The following NTMT2 variants were observed in gnomAD, a reference collection of about 807,000 sequenced individuals.
NTMT2 encodes N-terminal Xaa-Pro-Lys N-methyltransferase 2.
A neutral mutation model predicts 23.4 loss-of-function variants in NTMT2; 21 were observed. The observed-to-expected ratio is 0.90, with a 90% confidence interval of 0.64 to 1.29. NTMT2 has a LOEUF of 1.29. Ranked by LOEUF, NTMT2 falls within the 50% of genes most tolerant of loss-of-function variation. The pLI is 0.00. For synonymous variants in NTMT2, 131 were observed against 127.7 expected (o/e 1.03, Z -0.17); for missense variants, 336 against 352.0 (o/e 0.95, Z 0.36).
At chr1:170,150,818 A>G (rs997493414) in intron 1 of NTMT2, among the ~76,000 whole-genome samples, 14 of 152,138 alleles carry the variant, frequency 9.2e-5, no homozygotes, top group Non-Finnish European at 2.1e-4. Context: ...TTCATGAACA[A>G]ATAGGAAATA....
At position 170,166,488 on chromosome 1, in the gene NTMT2, G is replaced by C. The variant is rs776334187; in HGVS notation, c.331-14G>C. ...GGGTCTCTGTACTTGAAATATCAAGGTGCCTTTCTGCAGGGGCCTGGGAGA... is the reference window on the plus strand; with the variant it reads ...GGGTCTCTGTACTTGAAATATCAAGCTGCCTTTCTGCAGGGGCCTGGGAGA... On this transcript the variant is annotated splice_polypyrimidine_tract_variant and intron_variant, in intron 2 of 3. Transcript: ENST00000439373. 6.4e-7 allele frequency: 1 copy of C among 1,552,110 alleles called. No homozygotes were observed. Among genetic ancestry groups the C allele is most frequent in the South Asian group, 1.2e-5 (1 of 84,038 alleles).
At chr1:170,150,610 T>A (rs567335085) in intron 1 of NTMT2, among the ~76,000 whole-genome samples, 42 of 152,306 alleles carry the variant, frequency 2.8e-4, no homozygotes, top group African/African-American at 7.9e-4. Flanking sequence ...AAAACTTAAC[T>A]AATGTGGGCA....
chr1:170,163,655 T>A (rs1673317125), intron 2 of NTMT2, among the ~76,000 whole-genome samples: 1 of 152,240 alleles, frequency 6.6e-6, no homozygotes, highest in Admixed American at 6.5e-5. Flanking sequence ...TTATATTTTA[T>A]AGTTTTTACA....
At chr1:170,160,379 C>T (rs1319373176) in intron 1 of NTMT2, 139 bp from the exon 2 acceptor site, 2 of 740,114 alleles carry the variant, frequency 2.7e-6, no homozygotes, top group Non-Finnish European at 4.1e-6. Flanking sequence ...AAACTCAAAC[C>T]CAAATCTTTT....
At chr1:170,154,700 C>T (rs760384620) in intron 1 of NTMT2, among the ~76,000 whole-genome samples, 41 of 151,288 alleles carry the variant, frequency 2.7e-4, no homozygotes, top group South Asian at 1.0e-3. Flanking sequence ...AACTCATCTC[C>T]AGATGAGACT....
chr1:170,151,686 C>G (rs1426015955), intron 1 of NTMT2, among the ~76,000 whole-genome samples: 1 of 151,852 alleles, frequency 6.6e-6, no homozygotes, highest in Non-Finnish European at 1.5e-5. Context: ...TTTTATTTAG[C>G]AGACATATTT....
intron 1 of NTMT2, among the ~76,000 whole-genome samples, chr1:170,154,145 G>T (rs1673120258): frequency 6.6e-6 from 1 of 152,142 alleles, no homozygotes; most frequent in Non-Finnish European, 1.5e-5. Context: ...ATGGTGTTAA[G>T]CCTGTGGGTT....
chr1:170,167,816 T>G lies in NTMT2; in HGVS notation c.*59T>G. 2.0e-6 allele frequency: 3 copies of G among 1,485,974 alleles called. No individual in the cohort carries two copies. The allele number at this position is 1,485,974 out of a possible 1,614,324, so 92.0% of individuals were successfully genotyped here. A position where few individuals can be genotyped will look rare whatever the true frequency, so the allele number is the denominator to read the frequency against. ...GTGGTGCTTTGGGATGGGGTTGCTA[T>G]CCTTCCAGGTGCCCCTTGTAATGCA... On this transcript the variant is annotated 3_prime_UTR_variant, in exon 4 of 4. Coordinates refer to ENST00000439373, the MANE Select transcript of NTMT2 (RefSeq NM_001136107.2).
chr1:170,161,630 C>T (rs915214551), intron 2 of NTMT2: 5 of 152,174 alleles, frequency 3.3e-5, no homozygotes, highest in African/African-American at 1.2e-4. Context: ...AGCTACTTCA[C>T]AGGATAATGT....
chr1:170,150,802 T>C (rs1673053284), intron 1 of NTMT2, among the ~76,000 whole-genome samples: 1 of 152,084 alleles, frequency 6.6e-6, no homozygotes, highest in Admixed American at 6.5e-5. Context: ...TTTCAAAAAA[T>C]GGCTATTCAT....
rs747859632 is a variant in NTMT2 at position 170,167,742 on chromosome 1, C to G, written c.837C>G (p.Ser279Arg). Residue 279 changes from serine (S) to arginine (R), a missense_variant, in exon 4 of 4, where the codon AGC becomes AGG. Ser to Arg is a moderately radical substitution (Grantham distance 110). Transcript: ENST00000439373. Reference protein sequence around the residue: ...CIPVWMFALHSDRHS With the variant: ...CIPVWMFALHRDRHS ...CCGTGTGGATGTTCGCACTGCACAGCGACAGACACTCCTGAAAAAGCAGTG... is the reference window on the plus strand; with the variant it reads ...CCGTGTGGATGTTCGCACTGCACAGGGACAGACACTCCTGAAAAAGCAGTG... 5.2e-6 allele frequency: 8 copies of G among 1,549,538 alleles called. No homozygotes were observed. Among genetic ancestry groups the G allele is most frequent in the Non-Finnish European group, 7.0e-6 (8 of 1,145,754 alleles).
intron 2 of NTMT2, among the ~76,000 whole-genome samples, chr1:170,161,139 A>C (rs1388548950): frequency 6.6e-6 from 1 of 152,070 alleles, no homozygotes; most frequent in African/African-American, 2.4e-5. Flanking sequence ...CTCTACTAAA[A>C]ATACAAAAAA....
chr1:170,160,662 C>A lies in NTMT2; in HGVS notation c.299C>A (p.Ala100Asp), dbSNP rs1673258529. 4.6e-6 allele frequency: 7 copies of A among 1,530,866 alleles called. No homozygotes were observed. Among genetic ancestry groups the A allele is most frequent in the Non-Finnish European group, 5.3e-6 (6 of 1,141,242 alleles). 94.8% of individuals were successfully genotyped at this position (1,530,866 alleles called of 1,614,324 possible). A position where few individuals can be genotyped will look rare whatever the true frequency, so the allele number is the denominator to read the frequency against. ...FIELSSPDIQ[A>D]SQKFLRKFVG... ...GAACTGTCCAGCCCAGACATCCAGG[C>A]CTCTCAGAAATTTCTTAGGAAATTT... Residue 100 changes from alanine to aspartate, a missense_variant, in exon 2 of 4, where the codon GCC becomes GAC. Physicochemically the swap from Ala to Asp is moderately radical, Grantham distance 126 (BLOSUM62 -2). Coordinates refer to ENST00000439373, the MANE Select transcript of NTMT2 (RefSeq NM_001136107.2).
intron 1 of NTMT2, among the ~76,000 whole-genome samples, chr1:170,155,422 T>C (rs756177137): frequency 1.3e-5 from 2 of 152,116 alleles, no homozygotes; most frequent in Non-Finnish European, 2.9e-5. Context: ...CTTCCTTTTT[T>C]CCTATTTTAC....
chr1:170,162,856 CTTTATTTATTTATTTA>C lies in NTMT2; in HGVS notation c.330+2184_330+2199del, dbSNP rs61583139. Among the ~76,000 whole-genome samples the C allele has an allele frequency of 1.1e-3, 170 of 148,754 alleles. 1 individual carries two copies. Among genetic ancestry groups the C allele is most frequent in the African/African-American group, 1.7e-3 (68 of 40,324 alleles). On this transcript the variant is annotated intron_variant, in intron 2 of 3. Coordinates refer to ENST00000439373, the MANE Select transcript of NTMT2 (RefSeq NM_001136107.2). ...TCTCATGAAACTGAAAAAATCCCTG[CTTTATTTATTTATTTA>C]TTTATTTATTTATTTATTTACTTTT...
intron 1 of NTMT2, among the ~76,000 whole-genome samples, chr1:170,159,599 G>A (rs1415861125): frequency 6.6e-6 from 1 of 151,990 alleles, no homozygotes; most frequent in Non-Finnish European, 1.5e-5. Flanking sequence ...ATCTGTCAGT[G>A]ATACCCTCTC....
chr1:170,161,846 A>C (rs1291700585), intron 2 of NTMT2, among the ~76,000 whole-genome samples: 2 of 152,226 alleles, frequency 1.3e-5, no homozygotes, highest in African/African-American at 2.4e-5. Context: ...TAATCCCAGC[A>C]CTTTATGAGG....
In NTMT2 at chr1:170,166,621, C is replaced by A; in HGVS notation, c.450C>A (p.Ser150=). ...TGGAGCTGGTGGATATGATGGAATC[C>A]TTTCTCCTTGAAGCCCAGAACTACC... The part of the protein sequence containing the change: ...NSVELVDMME[S]FLLEAQNYLQ... Residue 150 remains serine (S), a synonymous_variant, in exon 3 of 4, where the codon TCC becomes TCA. Transcript: ENST00000439373. 6.4e-7 allele frequency: 1 copy of A among 1,551,866 alleles called. No individual in the cohort carries two copies. The highest frequency in any genetic ancestry group is 8.7e-7 in the Non-Finnish European group (1 of 1,147,016).
In NTMT2 at chr1:170,166,743, G is replaced by A; in HGVS notation, c.572G>A (p.Trp191Ter). The change falls in exon 3 of 4, where the codon TGG becomes TAG. Residue 191 changes from tryptophan to a stop codon, truncating the protein, a stop_gained. Coordinates refer to ENST00000439373, the MANE Select transcript of NTMT2 (RefSeq NM_001136107.2). LOFTEE classifies it high-confidence loss of function. ...AGATATGATGTCATCTGGATTCAGTGGGTCTCTGGTTAGTCCTGCATGACT... is the reference window on the plus strand; with the variant it reads ...AGATATGATGTCATCTGGATTCAGTAGGTCTCTGGTTAGTCCTGCATGACT... ...FRRYDVIWIQ[W>*]VSGHLTDKDL... The A allele has an allele frequency of 6.4e-7, 1 of 1,552,290 alleles. No individual in the cohort carries two copies. The highest frequency in any genetic ancestry group is 8.7e-7 in the Non-Finnish European group (1 of 1,147,128).
Sources: allele counts gnomAD v4.1 joint callset (sites outside exome capture counted in the v4.1 genomes callset), GRCh38; gene constraint gnomAD v4.1.1; transcripts MANE v1.5; gene names NCBI Gene and HGNC (gene_info 2026-07-23, HGNC 2026-07-21).